Variants in AUTS2 observed in about 807,000 individuals in gnomAD.
AUTS2 encodes the protein activator of transcription and developmental regulator AUTS2.
A neutral mutation model predicts 112.4 loss-of-function variants in AUTS2; 17 were observed. That is an observed-to-expected ratio of 0.15 (90% CI 0.10 to 0.23). The LOEUF is 0.23. Ranked by LOEUF, AUTS2 falls within the 10% of genes least tolerant of loss-of-function variation. AUTS2 has a pLI of 1.00. For synonymous variants in AUTS2, 751 were observed against 702.7 expected (o/e 1.07, Z -1.09); for missense variants, 1,510 against 1,701.6 (o/e 0.89, Z 1.98).
chr7:70,757,706 C>T (rs1326405506), intron 6 of AUTS2, among the ~76,000 whole-genome samples: 1 of 151,736 alleles, frequency 6.6e-6, no homozygotes, highest in African/African-American at 2.4e-5. Context: ...TATACACACA[C>T]ACACACCCCA....
chr7:70,206,940 T>C (rs1345827705), intron 4 of AUTS2, among the ~76,000 whole-genome samples: 1 of 152,160 alleles, frequency 6.6e-6, no homozygotes, highest in Non-Finnish European at 1.5e-5. Context: ...TGATTGAAAA[T>C]ATAAAACTAA....
rs144894574 is a variant in AUTS2, at chr7:69,818,903, T to A, written c.310-80383T>A. On this transcript the variant is annotated intron_variant, in intron 1 of 18. Transcript: ENST00000342771. ...GCCTCATGGGCTCTCTGTTTGGGGG[T>A]TACCACTTCAGTGCCTTGTAAAATT... Among the ~76,000 whole-genome samples, 3 of 152,278 alleles carry A rather than the reference T, an allele frequency of 2.0e-5. No individual in the cohort carries two copies. The East Asian group carries it at 5.8e-4, about 29-fold the overall frequency.
rs546470475 is a variant in AUTS2 at position 69,698,278 on chromosome 7, A to C, written c.309+98316A>C. Reference sequence around the variant, plus strand: ...TTGTGAAAACCGGTAGACAGGAACGAAGGATGTGGCCAAAACCAGTGACAG... The same window carrying C: ...TTGTGAAAACCGGTAGACAGGAACGCAGGATGTGGCCAAAACCAGTGACAG... On this transcript the variant is annotated intron_variant, in intron 1 of 18. Transcript: ENST00000342771. Among the ~76,000 whole-genome samples the C allele has an allele frequency of 5.3e-4, 81 of 152,270 alleles. 1 individual carries two copies. Among genetic ancestry groups the C allele is most frequent in the African/African-American group, 1.8e-3 (76 of 41,546 alleles).
intron 2 of AUTS2, among the ~76,000 whole-genome samples, chr7:70,072,785 TA>T (rs1319200572): frequency 6.6e-6 from 1 of 152,136 alleles, no homozygotes; most frequent in Non-Finnish European, 1.5e-5. Flanking sequence ...ACCTTTCATT[TA>T]AAAAAATATC....
At chr7:70,052,648 C>T (rs1403515700) in intron 2 of AUTS2, among the ~76,000 whole-genome samples, 1 of 152,182 alleles carries the variant, frequency 6.6e-6, no homozygotes, top group Non-Finnish European at 1.5e-5. Flanking sequence ...AATGCCTGAA[C>T]TGGGAGTAGA....
At chr7:70,758,545 G>T (rs1012843) in intron 6 of AUTS2, among the ~76,000 whole-genome samples, 1 of 152,086 alleles carries the variant, frequency 6.6e-6, no homozygotes, top group African/African-American at 2.4e-5. Context: ...CGTAAAGTAC[G>T]CAATGTAATT....
At chr7:69,940,668 C>T (rs991104041) in intron 2 of AUTS2, among the ~76,000 whole-genome samples, 6 of 152,122 alleles carry the variant, frequency 3.9e-5, no homozygotes, top group Admixed American at 6.6e-5. Context: ...TAAGCTTTAA[C>T]GTGTTTCTCA....
intron 3 of AUTS2, among the ~76,000 whole-genome samples, chr7:70,133,391 A>G (rs1308767278): frequency 6.6e-6 from 1 of 152,208 alleles, no homozygotes; most frequent in Non-Finnish European, 1.5e-5. Context: ...ATAAGTCCTT[A>G]TTAAATGCAT....
At chr7:70,728,429 G>A (rs933826168) in intron 6 of AUTS2, among the ~76,000 whole-genome samples, 1 of 151,916 alleles carries the variant, frequency 6.6e-6, no homozygotes, top group African/African-American at 2.4e-5. Flanking sequence ...CTGGAGGCCG[G>A]GCATGGTGGT....
chr7:69,925,558 A>G (rs1278791562), intron 2 of AUTS2, among the ~76,000 whole-genome samples: 1 of 152,140 alleles, frequency 6.6e-6, no homozygotes, highest in Admixed American at 6.5e-5. Context: ...ATTACATTAA[A>G]TCAGTCAATT....
chr7:70,709,370 GC>G (rs962928492), intron 6 of AUTS2, among the ~76,000 whole-genome samples: 7 of 152,068 alleles, frequency 4.6e-5, no homozygotes, highest in African/African-American at 1.7e-4. Context: ...CTGGGGGGTG[GC>G]CTCCAAGACT....
intron 1 of AUTS2, among the ~76,000 whole-genome samples, chr7:69,758,072 GT>G (rs1788016295): frequency 6.6e-6 from 1 of 152,332 alleles, no homozygotes; most frequent in Admixed American, 6.5e-5. Flanking sequence ...GTAAGGATGT[GT>G]TTTCCCCCCA....
At chr7:70,159,337 T>G (rs1456283266) in intron 4 of AUTS2, among the ~76,000 whole-genome samples, 1 of 152,236 alleles carries the variant, frequency 6.6e-6, no homozygotes, top group Non-Finnish European at 1.5e-5. Flanking sequence ...AAGACCCCAG[T>G]GTGAAACGCA....
intron 2 of AUTS2, among the ~76,000 whole-genome samples, chr7:69,959,026 C>A (rs1178999624): frequency 1.3e-5 from 2 of 152,152 alleles, no homozygotes; most frequent in Non-Finnish European, 2.9e-5. Flanking sequence ...TTCTGGTCTC[C>A]TATTAGTAAT....
intron 4 of AUTS2, among the ~76,000 whole-genome samples, chr7:70,412,316 T>G (rs1026842615): frequency 1.3e-5 from 2 of 152,244 alleles, no homozygotes. Flanking sequence ...TATAGTCTTA[T>G]GTTCTTATTT....
At chr7:69,839,310 C>G (rs1791869161) in intron 1 of AUTS2, among the ~76,000 whole-genome samples, 1 of 152,110 alleles carries the variant, frequency 6.6e-6, no homozygotes, top group Non-Finnish European at 1.5e-5. Flanking sequence ...GCTCTTTTCT[C>G]ACTCACTAGT....
At chr7:69,792,221 G>A (rs900444086) in intron 1 of AUTS2, among the ~76,000 whole-genome samples, 4 of 149,754 alleles carry the variant, frequency 2.7e-5, no homozygotes, top group Middle Eastern at 6.6e-3. Flanking sequence ...AGGCAAACAC[G>A]TTAAGTTGTT....
At chr7:70,546,938 T>C (rs1428165862) in intron 5 of AUTS2, among the ~76,000 whole-genome samples, 1 of 152,228 alleles carries the variant, frequency 6.6e-6, no homozygotes, top group African/African-American at 2.4e-5. Flanking sequence ...TTGTTTTGTG[T>C]GTTTGATTTC....
chr7:69,930,344 A>G (rs1449736640), intron 2 of AUTS2, among the ~76,000 whole-genome samples: 1 of 151,954 alleles, frequency 6.6e-6, no homozygotes, highest in Non-Finnish European at 1.5e-5. Flanking sequence ...CCTCTATCCT[A>G]TGAACCCCAG....
Sources: allele counts gnomAD v4.1 joint callset (sites outside exome capture counted in the v4.1 genomes callset), GRCh38; gene constraint gnomAD v4.1.1; transcripts MANE v1.5; gene names NCBI Gene and HGNC (gene_info 2026-07-23, HGNC 2026-07-21).